The following NEMP2 variants were observed in gnomAD, a reference collection of about 807,000 sequenced individuals.
NEMP2 encodes the protein nuclear envelope integral membrane protein 2, also known as UPF0571 transmembrane protein.
In NEMP2, 53 loss-of-function variants were observed where a neutral mutation model predicts 54.2. The observed-to-expected ratio is 0.98, with a 90% confidence interval of 0.78 to 1.23. The LOEUF is 1.23. Among genes scored for constraint, NEMP2 ranks in the 50% most tolerant of loss-of-function variants. The pLI is 0.00. For synonymous variants in NEMP2, 197 were observed against 190.3 expected, an observed-to-expected ratio of 1.04 and a Z score of -0.29; for missense variants, 455 against 511.3, an observed-to-expected ratio of 0.89 and a Z score of 1.06.
the NEMP2 span, among the ~76,000 whole-genome samples, chr2:190,605,639 A>AGTGCTGGGATTACAG: frequency 6.6e-6 from 1 of 152,192 alleles, no homozygotes; most frequent in Non-Finnish European, 1.5e-5. Context: ...GGCCTCCCAA[A>AGTGCTGGGATTACAG]GTGCTGGGAT....
intron 1 of NEMP2, 27 bp downstream of exon 1, chr2:190,534,532 G>GCGC (rs550233201): frequency 0.033 from 45,479 of 1,380,154 alleles, 785 homozygotes; most frequent in Non-Finnish European, 0.037. Context: ...ACGCACGCGC[G>GCGC]CGCCGCCGCC....
Position 190,510,655 on chromosome 2 carries a change from G to C in NEMP2, c.954-118C>G. ...CCAGCATTTTGGGAGGCCTGGGGAG[G>C]CGGATCACGAGGTCAGGAGATTGAG... On this transcript the variant is annotated intron_variant, in intron 7 of 8. Coordinates refer to ENST00000409150, the MANE Select transcript of NEMP2 (RefSeq NM_001142645.2). This position sits in a 1 kb window ranked among gnomAD's most constrained non-coding sequence, Gnocchi z 5.7. The C allele has an allele frequency of 1.1e-6, 1 of 936,442 alleles. No individual in the cohort carries two copies. The highest frequency in any genetic ancestry group is 1.6e-6 in the Non-Finnish European group (1 of 618,620). 58.0% of individuals were successfully genotyped at this position (936,442 alleles called of 1,614,324 possible).
chr2:190,438,282 G>A, the NEMP2 span, among the ~76,000 whole-genome samples: 4 of 151,852 alleles, frequency 2.6e-5, no homozygotes, highest in African/African-American at 7.3e-5. The surrounding 1 kb of genome is among the most constrained non-coding windows in gnomAD (Gnocchi z 5.2). Context: ...TTGAGAGGCC[G>A]AGGCAGGTGG....
At chr2:190,603,622 G>A in the NEMP2 span, among the ~76,000 whole-genome samples, 4 of 147,700 alleles carry the variant, frequency 2.7e-5, no homozygotes, top group Non-Finnish European at 3.0e-5. Flanking sequence ...TGCACTGAAC[G>A]TTGACACCCG....
At chr2:190,431,143 G>A in the NEMP2 span, among the ~76,000 whole-genome samples, 404 of 150,918 alleles carry the variant, frequency 2.7e-3, 2 homozygotes, top group African/African-American at 9.6e-3. The surrounding 1 kb of genome is among the most constrained non-coding windows in gnomAD (Gnocchi z 4.4). Flanking sequence ...CATCTCAGAC[G>A]ATGGGCAGCC....
In NEMP2 at chr2:190,525,145, T is replaced by A. The variant is rs1690887820; in HGVS notation, c.213+118A>T. On this transcript the variant is annotated intron_variant, in intron 2 of 8. Coordinates refer to ENST00000409150, the MANE Select transcript of NEMP2 (RefSeq NM_001142645.2). This position sits in a 1 kb window ranked among gnomAD's most constrained non-coding sequence, Gnocchi z 5.0. ...GTGATCCTCAAGTCAGCTTTCATAGTGATACACAGATCTGTGTCATACCAA... is the reference window on the plus strand; with the variant it reads ...GTGATCCTCAAGTCAGCTTTCATAGAGATACACAGATCTGTGTCATACCAA... 1 of 603,164 alleles carries A rather than the reference T, an allele frequency of 1.7e-6. No individual in the cohort carries two copies. Among genetic ancestry groups the A allele is most frequent in the African/African-American group, 1.9e-5 (1 of 53,770 alleles). 37.4% of individuals were successfully genotyped at this position (603,164 alleles called of 1,614,324 possible).
the NEMP2 span, among the ~76,000 whole-genome samples, chr2:190,426,719 T>G: frequency 6.6e-6 from 1 of 152,236 alleles, no homozygotes; most frequent in Non-Finnish European, 1.5e-5. The surrounding 1 kb of genome is among the most constrained non-coding windows in gnomAD (Gnocchi z 4.7). Context: ...ATCTCAATGT[T>G]GGCATCCATT....
the NEMP2 span, among the ~76,000 whole-genome samples, chr2:190,569,596 T>C: frequency 6.6e-6 from 1 of 152,216 alleles, no homozygotes. Context: ...TTCCCTTCTT[T>C]CCTCTTACAG....
chr2:190,593,703 G>T, the NEMP2 span, among the ~76,000 whole-genome samples: 1 of 152,184 alleles, frequency 6.6e-6, no homozygotes, highest in African/African-American at 2.4e-5. The surrounding 1 kb of genome is among the most constrained non-coding windows in gnomAD (Gnocchi z 4.5). Flanking sequence ...CTCCCTCTAA[G>T]ACAAAAGTTG....
At chr2:190,571,970 C>G in the NEMP2 span, among the ~76,000 whole-genome samples, 2 of 152,118 alleles carry the variant, frequency 1.3e-5, no homozygotes, top group African/African-American at 4.8e-5. Context: ...CATGCCTTGC[C>G]TGGAGCCCTT....
chr2:190,574,771 C>CTTCCCTCG, the NEMP2 span, among the ~76,000 whole-genome samples: 1 of 114,822 alleles, frequency 8.7e-6, no homozygotes, highest in Non-Finnish European at 1.9e-5. Flanking sequence ...TCCTTCCCTC[C>CTTCCCTCG]CTTCCCTCCT....
At chr2:190,468,453 ATT>A in the NEMP2 span, among the ~76,000 whole-genome samples, 24 of 139,950 alleles carry the variant, frequency 1.7e-4, no homozygotes, top group Admixed American at 3.6e-4. Flanking sequence ...ATAGGAATGA[ATT>A]TTTTTTTTTT....
At chr2:190,493,200 A>G in the NEMP2 span, among the ~76,000 whole-genome samples, 1 of 152,160 alleles carries the variant, frequency 6.6e-6, no homozygotes, top group Non-Finnish European at 1.5e-5. Flanking sequence ...CATTCCATGC[A>G]AATGGACACC....
At chr2:190,491,920 A>G in the NEMP2 span, among the ~76,000 whole-genome samples, 5 of 152,184 alleles carry the variant, frequency 3.3e-5, no homozygotes, top group Non-Finnish European at 7.4e-5. The surrounding 1 kb of genome is among the most constrained non-coding windows in gnomAD (Gnocchi z 4.2). Context: ...TGATACAAGA[A>G]GTGAGGGGAG....
intron 1 of NEMP2, among the ~76,000 whole-genome samples, chr2:190,526,112 G>C (rs1322946245): frequency 6.6e-6 from 1 of 152,178 alleles, no homozygotes. Context: ...ACAAGAGCAG[G>C]AAGCTTTTAG....
the NEMP2 span, among the ~76,000 whole-genome samples, chr2:190,615,234 G>T: frequency 6.6e-6 from 1 of 152,166 alleles, no homozygotes; most frequent in East Asian, 1.9e-4. This position sits in a 1 kb window ranked among gnomAD's most constrained non-coding sequence, Gnocchi z 4.7. Flanking sequence ...TGGCACCTGT[G>T]CTCCTGACCG....
the NEMP2 span, among the ~76,000 whole-genome samples, chr2:190,584,376 G>A: frequency 1.3e-5 from 2 of 152,104 alleles, no homozygotes; most frequent in Non-Finnish European, 2.9e-5. This position sits in a 1 kb window ranked among gnomAD's most constrained non-coding sequence, Gnocchi z 4.2. Flanking sequence ...ACCAGGTCAT[G>A]GTCAAATAGT....
At chr2:190,442,374 T>G in the NEMP2 span, among the ~76,000 whole-genome samples, 2,439 of 152,208 alleles carry the variant, frequency 0.016, 75 homozygotes, top group African/African-American at 0.055. Flanking sequence ...TGAGGCCAGA[T>G]GGATGCTGGG....
At chr2:190,597,901 A>C in the NEMP2 span, among the ~76,000 whole-genome samples, 1 of 152,222 alleles carries the variant, frequency 6.6e-6, no homozygotes, top group African/African-American at 2.4e-5. The surrounding 1 kb of genome is among the most constrained non-coding windows in gnomAD (Gnocchi z 4.7). Context: ...AAGGGCTTTA[A>C]GAGTTCAGTT....
Sources: allele counts gnomAD v4.1 joint callset (sites outside exome capture counted in the v4.1 genomes callset), GRCh38; gene constraint gnomAD v4.1.1; non-coding constraint Gnocchi (gnomAD v3.1); transcripts MANE v1.5; gene names NCBI Gene and HGNC (gene_info 2026-07-23, HGNC 2026-07-21).